Variants in GH2 observed in about 807,000 individuals in gnomAD.
The protein encoded by GH2 is growth hormone 2, also known as growth hormone variant.
GH2 carries 17 observed loss-of-function variants against 24.1 expected under a neutral mutation model. The observed-to-expected ratio is 0.71, with a 90% confidence interval of 0.48 to 1.06. The LOEUF (loss-of-function observed/expected upper bound fraction) is 1.06, where lower values mean the gene tolerates loss of function less well. Ranked by LOEUF, GH2 falls within the 50% of genes least tolerant of loss-of-function variation. The pLI is 0.00. For missense variants in GH2, 305 were observed against 273.1 expected, an observed-to-expected ratio of 1.12 and a Z score of -0.82; for synonymous variants, 126 against 118.7, an observed-to-expected ratio of 1.06 and a Z score of -0.40.
rs2854191 is a variant in GH2 at position 63,880,273 on chromosome 17, G to A, written c.*48C>T. Reference sequence around the variant, plus strand: ...TGGGCACTGGAGTAGCACCTTCCACGACCAGGAGAGGCACTGGGGAGGGGT... The same window carrying A: ...TGGGCACTGGAGTAGCACCTTCCACAACCAGGAGAGGCACTGGGGAGGGGT... On this transcript the variant is annotated 3_prime_UTR_variant, in exon 5 of 5. Transcript: ENST00000423893. 18 of 1,613,604 alleles carry A rather than the reference G, an allele frequency of 1.1e-5. No individual in the cohort carries two copies. In the East Asian group the frequency reaches 4.0e-4, roughly 36 times the overall value.
In GH2 at chr17:63,881,083, G is replaced by A. The variant is rs774669366; in HGVS notation, c.237C>T (p.Cys79=). The change falls in exon 3 of 5, where the codon TGC becomes TGT. Residue 79 remains cysteine, a synonymous_variant. Transcript: ENST00000423893. ...AAGGTGTTGGAATAGACTCTGAGAA[G>A]CAGAGGGAGGTCTGGGGGTTCTGCA... The part of the protein sequence containing the change: ...SFLQNPQTSL[C]FSESIPTPSN... 2.0e-5 allele frequency: 33 copies of A among 1,613,936 alleles called. No individual in the cohort carries two copies. Among genetic ancestry groups the A allele is most frequent in the African/African-American group, 5.3e-5 (4 of 74,930 alleles).
In GH2 at chr17:63,880,818, T is replaced by A; in HGVS notation, c.410A>T (p.Tyr137Phe). Residue 137 changes from tyrosine (Y) to phenylalanine (F), a missense_variant, in exon 4 of 5, where the codon TAT (tyrosine) becomes TTT (phenylalanine). Transcript: ENST00000423893. Reference protein sequence around the residue: ...LVYGASDSNVYRHLKDLEEGI... With the variant: ...LVYGASDSNVFRHLKDLEEGI... ...TTCCTCTAGGTCCTTCAGGTGGCGA[T>A]AGACGTTGCTGTCCGAGGCGCCATA... 6.2e-7 allele frequency: 1 copy of A among 1,614,104 alleles called. No homozygotes were observed.
intron 4 of GH2, 58 bp downstream of exon 4, chr17:63,880,714 C>T (rs1192602569): frequency 1.2e-6 from 2 of 1,614,076 alleles, no homozygotes; most frequent in East Asian, 2.2e-5. Flanking sequence ...TGTTTCTCTC[C>T]CCAGTCCCTG....
At position 63,881,479 on chromosome 17, in the gene GH2, G is replaced by C. The variant is rs764617917; in HGVS notation, c.51C>G (p.Cys17Trp). ...CACTGCCCTCTTGAAGCCAGGACAG[G>C]CAGAGCAGGCCAAAAGCCAGGAGCA... ...TSLLLAFGLL[C>W]LSWLQEGSAF... The change falls in exon 2 of 5, where the codon TGC (cysteine) becomes TGG (tryptophan). Residue 17 changes from cysteine to tryptophan, a missense_variant. Coordinates refer to ENST00000423893, the MANE Select transcript of GH2 (RefSeq NM_002059.5). 13 of 1,613,902 alleles carry C rather than the reference G, an allele frequency of 8.1e-6. No individual in the cohort carries two copies. Among genetic ancestry groups the C allele is most frequent in the Middle Eastern group, 1.6e-4 (1 of 6,084 alleles).
chr17:63,881,316 C>G (rs1265062125), intron 2 of GH2, 43 bp downstream of exon 2: 1 of 1,613,176 alleles, frequency 6.2e-7, no homozygotes, highest in Non-Finnish European at 8.5e-7. Flanking sequence ...AAAGTCACCC[C>G]TTCCTGCCAC....
At chr17:63,881,596 T>G in intron 1 of GH2, 77 bp from the exon 2 acceptor site, 1 of 1,095,472 alleles carries the variant, frequency 9.1e-7, no homozygotes, top group Non-Finnish European at 1.2e-6. Context: ...GGAGCTGGGT[T>G]TTTTTTTTTC....
chr17:63,880,664 C>A, intron 4 of GH2, 108 bp downstream of exon 4: 1 of 1,614,064 alleles, frequency 6.2e-7, no homozygotes. Flanking sequence ...ACGGTGAGTT[C>A]TCTTGGGTCA....
chr17:63,881,672 G>C (rs1905545982), intron 1 of GH2, 120 bp downstream of exon 1: 4 of 1,608,770 alleles, frequency 2.5e-6, no homozygotes, highest in Non-Finnish European at 3.4e-6. Flanking sequence ...ACTGGGCTTA[G>C]ATGGCGATAC....
At chr17:63,880,690 A>G in intron 4 of GH2, 82 bp downstream of exon 4, 2 of 1,614,072 alleles carry the variant, frequency 1.2e-6, no homozygotes, top group Non-Finnish European at 1.7e-6. Context: ...TGACTGCTAA[A>G]AAGAGGGCAG....
chr17:63,881,571 G>T (rs781426983), intron 1 of GH2, 52 bp from the exon 2 acceptor site: 2 of 1,608,036 alleles, frequency 1.2e-6, no homozygotes, highest in Non-Finnish European at 1.7e-6. Context: ...AGAGGCCAGC[G>T]CTCTCCCTGT....
At chr17:63,881,574 C>T in intron 1 of GH2, 55 bp from the exon 2 acceptor site, 1 of 1,603,020 alleles carries the variant, frequency 6.2e-7, no homozygotes, top group East Asian at 2.2e-5. Flanking sequence ...GGCCAGCGCT[C>T]TCCCTGTTCC....
chr17:63,880,693 G>C (rs1382899215), intron 4 of GH2, 79 bp downstream of exon 4: 1 of 1,613,970 alleles, frequency 6.2e-7, no homozygotes, highest in African/African-American at 1.3e-5. Context: ...CTGCTAAAAA[G>C]AGGGCAGCAG....
In GH2 at chr17:63,881,857, G is replaced by C. The variant is rs371281899; in HGVS notation, c.-56C>G. On this transcript the variant is annotated 5_prime_UTR_variant, in exon 1 of 5. Transcript: ENST00000423893. The stretch of plus-strand genomic sequence containing the variant: ...GAGTGGTTCGGGGAGTTGGGCCTTG[G>C]GATCCTTGAGCTGGTCTCTTGTGGG... The C allele has an allele frequency of 9.6e-5, 155 of 1,613,672 alleles. No homozygotes were observed. The African/African-American group carries it at 1.9e-3, about 20-fold the overall frequency.
In GH2 at chr17:63,881,770, A is replaced by G. The variant is rs768239416; in HGVS notation, c.10+22T>C. 1.2e-5 allele frequency: 20 copies of G among 1,612,604 alleles called. No individual in the cohort carries two copies. In the East Asian group the frequency reaches 3.3e-4, roughly 27 times the overall value. ...CTCCCCTCAGGACACATTGTGCCCA[A>G]AGGGATTTTAGGGGCGCTTACCTGC... On this transcript the variant is annotated intron_variant, in intron 1 of 4. Transcript: ENST00000423893.
chr17:63,881,399 C>T lies in GH2; in HGVS notation c.131G>A (p.Arg44His), dbSNP rs778896396. 4.3e-6 allele frequency: 7 copies of T among 1,613,932 alleles called. No homozygotes were observed. The highest frequency in any genetic ancestry group is 3.3e-5 in the Admixed American group (2 of 59,986). Residue 44 changes from arginine (R) to histidine (H), a missense_variant, in exon 2 of 5, where the codon CGT becomes CAT. Transcript: ENST00000423893. ...GTCATATGCCAGCTGGTACAGGCGA[C>T]GGGCGCGGAGCATAGCGTTGTCAAA... Reference protein sequence around the residue: ...RLFDNAMLRARRLYQLAYDTY... With the variant: ...RLFDNAMLRAHRLYQLAYDTY...
chr17:63,881,693 A>G, intron 1 of GH2, 99 bp downstream of exon 1: 11 of 1,610,944 alleles, frequency 6.8e-6, no homozygotes, highest in Non-Finnish European at 8.5e-6. Flanking sequence ...TAACATTCAT[A>G]AGCCCCAAAC....
At position 63,881,783 on chromosome 17, in the gene GH2, G is replaced by A. The variant is rs895562373; in HGVS notation, c.10+9C>T. On this transcript the variant is annotated intron_variant, in intron 1 of 4. Transcript: ENST00000423893. ...ACATTGTGCCCAAAGGGATTTTAGG[G>A]GCGCTTACCTGCAGCCATTGCCGCT... The A allele has an allele frequency of 1.9e-5, 31 of 1,613,066 alleles. No homozygotes were observed. The highest frequency in any genetic ancestry group is 2.3e-5 in the Non-Finnish European group (27 of 1,179,768).
chr17:63,880,815 C>A lies in GH2; in HGVS notation c.413G>T (p.Arg138Leu). 1 of 1,614,064 alleles carries A rather than the reference C, an allele frequency of 6.2e-7. No individual in the cohort carries two copies. The highest frequency in any genetic ancestry group is 8.5e-7 in the Non-Finnish European group (1 of 1,179,948). ...GCCTTCCTCTAGGTCCTTCAGGTGG[C>A]GATAGACGTTGCTGTCCGAGGCGCC... ...VYGASDSNVY[R>L]HLKDLEEGIQ... Residue 138 changes from arginine (R) to leucine (L), a missense_variant, in exon 4 of 5, where the codon CGC (arginine) becomes CTC (leucine). Arg to Leu is a moderately radical substitution (Grantham distance 102, BLOSUM62 -2). Transcript: ENST00000423893.
rs541585100 is a variant in GH2 at position 63,881,836 on chromosome 17, G to T, written c.-35C>A. 3.1e-4 allele frequency: 507 copies of T among 1,613,736 alleles called. 5 individuals carry two copies. In the South Asian group the frequency reaches 5.2e-3, roughly 16 times the overall value. On this transcript the variant is annotated 5_prime_UTR_variant, in exon 1 of 5. Coordinates refer to ENST00000423893, the MANE Select transcript of GH2 (RefSeq NM_002059.5). Reference sequence around the variant, plus strand: ...GTGAGCTGTCCACAGGACCCTGAGTGGTTCGGGGAGTTGGGCCTTGGGATC... The same window carrying T: ...GTGAGCTGTCCACAGGACCCTGAGTTGTTCGGGGAGTTGGGCCTTGGGATC...
Sources: allele counts gnomAD v4.1 joint callset, GRCh38; gene constraint gnomAD v4.1.1; transcripts MANE v1.5; gene names NCBI Gene and HGNC (gene_info 2026-07-23, HGNC 2026-07-21).